Variants in KHDRBS2 observed in about 807,000 individuals in gnomAD.
KHDRBS2 encodes KH domain-containing, RNA-binding, signal transduction-associated protein 2.
KHDRBS2 carries 26 observed loss-of-function variants against 44.3 expected under a neutral mutation model. The ratio of observed to expected loss-of-function variants is 0.59; its 90% CI spans 0.43 to 0.81. KHDRBS2 has a LOEUF of 0.81. Among genes scored for constraint, KHDRBS2 ranks in the 40% least tolerant of loss-of-function variants. The pLI, the probability that KHDRBS2 is intolerant of heterozygous loss-of-function variation, is 0.00. For missense variants in KHDRBS2, 476 were observed against 433.1 expected (o/e 1.10, Z -0.88); for synonymous variants, 194 against 151.1 (o/e 1.28, Z -2.08).
chr6:61,930,546 G>GAAAAAAAAAAAAAAAAA lies in KHDRBS2; in HGVS notation c.484-29192_484-29176dup, dbSNP rs1439236595. ...CCTAAAAAAAAAAAAAAAAAAAAAAGAAAAAAAAAAAAAAAAAAAAAGGCT... is the reference window on the plus strand; with the variant it reads ...CCTAAAAAAAAAAAAAAAAAAAAAAGAAAAAAAAAAAAAAAAAAAAAAAAAAAAAAAAAAAAAAGGCT... On this transcript the variant is annotated intron_variant, in intron 4 of 8. Coordinates refer to ENST00000281156, the MANE Select transcript of KHDRBS2 (RefSeq NM_152688.4). 3.8e-4 allele frequency among the ~76,000 whole-genome samples: 18 copies of GAAAAAAAAAAAAAAAAA among 47,568 alleles called. 1 individual carries two copies. Among genetic ancestry groups the GAAAAAAAAAAAAAAAAA allele is most frequent in the Admixed American group, 7.7e-4 (2 of 2,588 alleles). The allele number at this position is 47,568 out of a possible 152,430, so 31.2% of individuals were successfully genotyped here. A position where few individuals can be genotyped will look rare whatever the true frequency, so the allele number is the denominator to read the frequency against.
intron 8 of KHDRBS2, among the ~76,000 whole-genome samples, chr6:61,691,599 G>T (rs895895568): frequency 6.6e-6 from 1 of 151,916 alleles, no homozygotes; most frequent in African/African-American, 2.4e-5. Flanking sequence ...TTAAATGACT[G>T]ATAAATTATT....
At chr6:62,092,980 T>C (rs1266939734) in intron 2 of KHDRBS2, among the ~76,000 whole-genome samples, 2 of 152,100 alleles carry the variant, frequency 1.3e-5, no homozygotes, top group African/African-American at 4.8e-5. Flanking sequence ...TTTTATATTA[T>C]GGTTTTATTT....
At chr6:62,049,671 C>A (rs948930164) in intron 2 of KHDRBS2, among the ~76,000 whole-genome samples, 12 of 152,030 alleles carry the variant, frequency 7.9e-5, no homozygotes, top group African/African-American at 2.7e-4. Context: ...AGATATCAGA[C>A]CTTTGTCAGA....
intron 1 of KHDRBS2, among the ~76,000 whole-genome samples, chr6:62,248,921 C>A (rs1836069459): frequency 6.6e-6 from 1 of 151,938 alleles, no homozygotes. Flanking sequence ...AATTTAAGAA[C>A]CTGGGATAGA....
Position 62,175,765 on chromosome 6 carries a change from T to C in KHDRBS2, c.219+1420A>G, listed in dbSNP as rs903004485. Among the ~76,000 whole-genome samples the C allele has an allele frequency of 3.0e-4, 46 of 151,606 alleles. 1 individual carries two copies. Among genetic ancestry groups the C allele is most frequent in the African/African-American group, 1.1e-3 (44 of 41,504 alleles). On this transcript the variant is annotated intron_variant, in intron 2 of 8. Coordinates refer to ENST00000281156, the MANE Select transcript of KHDRBS2 (RefSeq NM_152688.4). ...AATTTGACATCATAGAATATTCTTA[T>C]TTCGGTATTCATCATTCTGAATCAA...
At chr6:62,050,383 T>C (rs891629928) in intron 2 of KHDRBS2, among the ~76,000 whole-genome samples, 3 of 150,194 alleles carry the variant, frequency 2.0e-5, no homozygotes, top group African/African-American at 4.9e-5. Context: ...TGTATACCTA[T>C]GTAACAAACC....
the KHDRBS2 span, among the ~76,000 whole-genome samples, chr6:61,626,929 T>C: frequency 6.6e-6 from 1 of 152,134 alleles, no homozygotes; most frequent in African/African-American, 2.4e-5. Flanking sequence ...GAGCTAAGAG[T>C]TACCTCAAAT....
chr6:61,735,332 C>G (rs1232843127), intron 6 of KHDRBS2, among the ~76,000 whole-genome samples: 4 of 152,086 alleles, frequency 2.6e-5, no homozygotes, highest in Non-Finnish European at 5.9e-5. Flanking sequence ...AATACTTCAG[C>G]TTCTATCTCC....
intron 3 of KHDRBS2, among the ~76,000 whole-genome samples, chr6:62,032,649 A>G (rs1340131267): frequency 6.6e-6 from 1 of 151,886 alleles, no homozygotes; most frequent in Non-Finnish European, 1.5e-5. Context: ...GAACCACAGT[A>G]TTACAGGGCT....
the KHDRBS2 span, among the ~76,000 whole-genome samples, chr6:61,599,628 C>A: frequency 6.6e-6 from 1 of 152,168 alleles, no homozygotes; most frequent in Non-Finnish European, 1.5e-5. Flanking sequence ...ATCTGACACC[C>A]AGTAGGCCCT....
intron 3 of KHDRBS2, among the ~76,000 whole-genome samples, chr6:62,040,651 C>T (rs985778296): frequency 2.6e-5 from 4 of 152,128 alleles, no homozygotes; most frequent in African/African-American, 9.6e-5. Context: ...GGACTGCCCA[C>T]TGGCACCTAT....
chr6:61,845,991 A>T (rs1794349823), intron 6 of KHDRBS2, among the ~76,000 whole-genome samples: 1 of 152,126 alleles, frequency 6.6e-6, no homozygotes, highest in African/African-American at 2.4e-5. Flanking sequence ...GTGAGTTTTC[A>T]TGAGATCTGG....
intron 6 of KHDRBS2, among the ~76,000 whole-genome samples, chr6:61,769,012 A>G (rs1582709981): frequency 6.6e-6 from 1 of 152,256 alleles, no homozygotes; most frequent in Middle Eastern, 3.4e-3. Context: ...TTTGATTTCC[A>G]GCCTTTATTC....
chr6:61,996,019 G>A (rs1777098389), intron 3 of KHDRBS2, among the ~76,000 whole-genome samples: 1 of 152,114 alleles, frequency 6.6e-6, no homozygotes, highest in Non-Finnish European at 1.5e-5. Context: ...TAACACTGGT[G>A]AAAAAGGAAA....
intron 1 of KHDRBS2, among the ~76,000 whole-genome samples, chr6:62,180,474 G>A (rs550071608): frequency 1.3e-5 from 2 of 151,782 alleles, no homozygotes; most frequent in Non-Finnish European, 2.9e-5. Flanking sequence ...ACACTTGGGA[G>A]TAAACTTAGT....
intron 6 of KHDRBS2, among the ~76,000 whole-genome samples, chr6:61,755,178 C>T (rs776523945): frequency 2.6e-5 from 4 of 152,054 alleles, no homozygotes; most frequent in Non-Finnish European, 5.9e-5. Flanking sequence ...AATAGAGCAT[C>T]TTTAGGGATT....
the KHDRBS2 span, among the ~76,000 whole-genome samples, chr6:61,615,672 G>A: frequency 6.6e-6 from 1 of 152,144 alleles, no homozygotes; most frequent in Admixed American, 6.5e-5. Context: ...CATTTTGAGT[G>A]CCAACATGAC....
chr6:62,070,741 G>T (rs1033637022), intron 2 of KHDRBS2, among the ~76,000 whole-genome samples: 11 of 152,096 alleles, frequency 7.2e-5, no homozygotes, highest in African/African-American at 2.7e-4. Context: ...GTCTATCATT[G>T]TTGGACATTT....
At chr6:62,084,274 C>T (rs1051525237) in intron 2 of KHDRBS2, among the ~76,000 whole-genome samples, 39 of 152,114 alleles carry the variant, frequency 2.6e-4, no homozygotes, top group African/African-American at 8.7e-4. Context: ...CATGGACAGG[C>T]TTTTACCTTC....
Sources: gnomAD v4.1 joint callset for allele counts (sites outside exome capture counted in the v4.1 genomes callset) on GRCh38, gnomAD v4.1.1 for gene constraint, MANE v1.5 for transcripts, NCBI Gene and HGNC (gene_info 2026-07-23, HGNC 2026-07-21) for gene names.